Variants in RAD18 observed in about 807,000 individuals in gnomAD.
The protein encoded by RAD18 is RAD18 E3 ubiquitin protein ligase.
A neutral mutation model predicts 60.4 loss-of-function variants in RAD18; 47 were observed. The ratio of observed to expected loss-of-function variants is 0.78; its 90% CI spans 0.62 to 0.99. RAD18 has a LOEUF of 0.99. RAD18 is among the 50% of genes least tolerant of loss of function. The pLI is 0.00. For missense variants in RAD18, 640 were observed against 593.3 expected, an observed-to-expected ratio of 1.08 and a Z score of -0.82; for synonymous variants, 225 against 195.5, an observed-to-expected ratio of 1.15 and a Z score of -1.26.
intron 4 of RAD18, among the ~76,000 whole-genome samples, chr3:8,946,420 C>A (rs756524578): frequency 1.3e-5 from 2 of 152,200 alleles, no homozygotes; most frequent in Non-Finnish European, 2.9e-5. Context: ...CAGAACACAT[C>A]CCTGTTAAGC....
intron 2 of RAD18, among the ~76,000 whole-genome samples, chr3:8,957,340 A>T (rs1941030909): frequency 6.6e-6 from 1 of 152,170 alleles, no homozygotes; most frequent in Non-Finnish European, 1.5e-5. Flanking sequence ...TATACATGGA[A>T]ATGCATTTAA....
intron 4 of RAD18, among the ~76,000 whole-genome samples, chr3:8,944,764 A>T (rs1286692007): frequency 2.0e-5 from 3 of 152,206 alleles, no homozygotes; most frequent in African/African-American, 7.2e-5. Flanking sequence ...CAAGAGTCAA[A>T]ATAGGCCTTT....
At chr3:8,940,339 G>A (rs1940726681) in intron 5 of RAD18, among the ~76,000 whole-genome samples, 1 of 151,690 alleles carries the variant, frequency 6.6e-6, no homozygotes, top group African/African-American at 2.4e-5. Context: ...ATTTCATTTG[G>A]GAAAAAAGGT....
chr3:8,882,793 T>C (rs530054120), intron 12 of RAD18, among the ~76,000 whole-genome samples: 1 of 152,184 alleles, frequency 6.6e-6, no homozygotes, highest in Non-Finnish European at 1.5e-5. Flanking sequence ...GAAGGTCACA[T>C]TAGTCACTAG....
chr3:8,921,181 A>G (rs1225698881), intron 7 of RAD18, among the ~76,000 whole-genome samples: 1 of 152,240 alleles, frequency 6.6e-6, no homozygotes, highest in African/African-American at 2.4e-5. Flanking sequence ...AATGAGGCAA[A>G]ATGCTAACAA....
At chr3:8,935,690 G>T (rs975712554) in intron 7 of RAD18, among the ~76,000 whole-genome samples, 181 bp downstream of exon 7, 1 of 152,184 alleles carries the variant, frequency 6.6e-6, no homozygotes, top group Non-Finnish European at 1.5e-5. Context: ...TGGAAGGCAG[G>T]CTGAGAGGAA....
At chr3:8,892,221 A>G (rs1471900859) in intron 11 of RAD18, among the ~76,000 whole-genome samples, 5 of 152,194 alleles carry the variant, frequency 3.3e-5, no homozygotes, top group Admixed American at 3.3e-4. Context: ...GAACTTTTTC[A>G]GCTTGTCTAC....
At chr3:8,927,718 T>C (rs1178571582) in intron 7 of RAD18, among the ~76,000 whole-genome samples, 1 of 152,200 alleles carries the variant, frequency 6.6e-6, no homozygotes. Context: ...TACCATGGAA[T>C]ACTATGCAGC....
chr3:8,963,234 C>A (rs1363822849), intron 1 of RAD18, 101 bp downstream of exon 1: 3 of 1,312,710 alleles, frequency 2.3e-6, no homozygotes, highest in African/African-American at 3.0e-5. Context: ...GTGCGACGCT[C>A]GCGCCTCATC....
chr3:8,907,642 T>G lies in RAD18; in HGVS notation c.1027+4670A>C, dbSNP rs146480128. On this transcript the variant is annotated intron_variant, in intron 9 of 12. Transcript: ENST00000264926. Reference sequence around the variant, plus strand: ...GCTGAGCGTCAGGGATACAAGCAGCTGAGCATCAGAGACTACAGACAGATG... The same window carrying G: ...GCTGAGCGTCAGGGATACAAGCAGCGGAGCATCAGAGACTACAGACAGATG... Among the ~76,000 whole-genome samples the G allele has an allele frequency of 3.4e-3, 511 of 152,296 alleles. 2 individuals carry two copies. The highest frequency in any genetic ancestry group is 4.8e-3 in the Non-Finnish European group (327 of 68,016).
At chr3:8,890,357 T>A in intron 12 of RAD18, 32 bp downstream of exon 12, 2 of 1,499,328 alleles carry the variant, frequency 1.3e-6, no homozygotes, top group Non-Finnish European at 1.9e-6. Flanking sequence ...CAGGTCAAAG[T>A]GCATGCTTAT....
chr3:8,959,029 A>G lies in RAD18; in HGVS notation c.52-28T>C, dbSNP rs1294538211. 4 of 1,570,120 alleles carry G rather than the reference A, an allele frequency of 2.5e-6. No homozygotes were observed. The East Asian group carries it at 9.0e-5, about 35-fold the overall frequency. On this transcript the variant is annotated intron_variant, in intron 1 of 12. Coordinates refer to ENST00000264926, the MANE Select transcript of RAD18 (RefSeq NM_020165.4). ...GAAATGCAAATATGCATATATACAT[A>G]TCAGAAAGACATCAAAATTGGAAGT...
At chr3:8,929,939 G>A (rs1198522040) in intron 7 of RAD18, among the ~76,000 whole-genome samples, 5 of 152,214 alleles carry the variant, frequency 3.3e-5, no homozygotes, top group South Asian at 2.1e-4. Context: ...GAGCCACTGC[G>A]CCCGGCACAG....
chr3:8,958,836 T>G, intron 2 of RAD18, 84 bp downstream of exon 2: 1 of 1,051,090 alleles, frequency 9.5e-7, no homozygotes, highest in Non-Finnish European at 1.5e-6. Flanking sequence ...AACATAAATA[T>G]GTGCACATAT....
intron 8 of RAD18, 53 bp from the exon 9 acceptor site, chr3:8,912,425 G>A: frequency 2.4e-6 from 3 of 1,258,820 alleles, no homozygotes; most frequent in Non-Finnish European, 3.3e-6. Flanking sequence ...ATGACAAAAA[G>A]GGAAATATTA....
At chr3:8,922,946 T>TGGGG (rs1559779563) in intron 7 of RAD18, among the ~76,000 whole-genome samples, 1 of 152,056 alleles carries the variant, frequency 6.6e-6, no homozygotes, top group Non-Finnish European at 1.5e-5. Flanking sequence ...AAAAGGTAGA[T>TGGGG]AAAACCACAA....
At chr3:8,888,879 T>C (rs1002134542) in intron 12 of RAD18, among the ~76,000 whole-genome samples, 1 of 152,218 alleles carries the variant, frequency 6.6e-6, no homozygotes, top group Admixed American at 6.5e-5. Context: ...AAGTTATCAT[T>C]ATCAAGAGCA....
intron 4 of RAD18, among the ~76,000 whole-genome samples, chr3:8,945,181 TG>T (rs1252757729): frequency 2.0e-5 from 3 of 152,232 alleles, no homozygotes; most frequent in Non-Finnish European, 4.4e-5. Flanking sequence ...TCAGGGGTCC[TG>T]GGACCAATCC....
intron 7 of RAD18, among the ~76,000 whole-genome samples, chr3:8,921,687 T>C (rs1940323368): frequency 6.6e-6 from 1 of 150,728 alleles, no homozygotes; most frequent in Non-Finnish European, 1.5e-5. Flanking sequence ...TCAGGAAATG[T>C]CCAAACACTG....
Sources: gnomAD v4.1 joint callset for allele counts (sites outside exome capture counted in the v4.1 genomes callset) on GRCh38, gnomAD v4.1.1 for gene constraint, MANE v1.5 for transcripts, NCBI Gene and HGNC (gene_info 2026-07-23, HGNC 2026-07-21) for gene names.